Variants in ADGB observed in about 807,000 individuals in gnomAD.
ADGB encodes the protein calpain-7-like protein.
Under a neutral mutation model 210.5 loss-of-function variants are expected in ADGB, and 172 were observed. The observed-to-expected ratio is 0.82, with a 90% confidence interval of 0.72 to 0.93. The LOEUF is 0.93. ADGB is among the 40% of genes least tolerant of loss of function. The probability of loss-of-function intolerance (pLI) is 0.00; values close to 1 mark genes in which losing one functional copy is unlikely to be tolerated. For missense variants in ADGB, 2,025 were observed against 1,964.8 expected, an observed-to-expected ratio of 1.03 and a Z score of -0.58; for synonymous variants, 658 against 662.7, an observed-to-expected ratio of 0.99 and a Z score of 0.11.
intron 13 of ADGB, 147 bp downstream of exon 13, chr6:146,701,217 A>G (rs1776485188): frequency 3.3e-6 from 3 of 914,654 alleles, no homozygotes; most frequent in Admixed American, 7.0e-5. Flanking sequence ...TCTCTTATGT[A>G]TCTATCACCT....
At chr6:146,768,523 T>G (rs1388862500) in intron 28 of ADGB, among the ~76,000 whole-genome samples, 2 of 152,042 alleles carry the variant, frequency 1.3e-5, no homozygotes, top group Non-Finnish European at 2.9e-5. Flanking sequence ...GAAAATTACA[T>G]CTCCATGGAG....
chr6:146,807,477 C>T, intron 35 of ADGB: 1 of 1,551,534 alleles, frequency 6.4e-7, no homozygotes, highest in Non-Finnish European at 8.7e-7. Flanking sequence ...GGAAGCTGAG[C>T]ACCTAAAGCT....
At chr6:146,695,530 T>C (rs1044150140) in intron 12 of ADGB, among the ~76,000 whole-genome samples, 1 of 151,974 alleles carries the variant, frequency 6.6e-6, no homozygotes, top group African/African-American at 2.4e-5. Flanking sequence ...ACCTAAGTTA[T>C]TCAGTATTTA....
intron 12 of ADGB, among the ~76,000 whole-genome samples, chr6:146,699,228 T>C (rs975783957): frequency 6.6e-6 from 1 of 152,086 alleles, no homozygotes; most frequent in African/African-American, 2.4e-5. Context: ...AGATAGGCTG[T>C]CTGCAAGCTG....
intron 5 of ADGB, among the ~76,000 whole-genome samples, chr6:146,663,228 A>G (rs915315800): frequency 1.9e-4 from 28 of 145,274 alleles, no homozygotes; most frequent in African/African-American, 6.8e-4. Context: ...AAGTATATAT[A>G]ACCTTAATAA....
At chr6:146,634,095 G>C (rs1775358021) in intron 1 of ADGB, among the ~76,000 whole-genome samples, 1 of 151,980 alleles carries the variant, frequency 6.6e-6, no homozygotes, top group South Asian at 2.1e-4. Context: ...TCTATGTTTA[G>C]ATGTGTTTGG....
At chr6:146,659,848 C>T (rs142867889) in intron 5 of ADGB, among the ~76,000 whole-genome samples, 68 of 152,252 alleles carry the variant, frequency 4.5e-4, no homozygotes, top group Middle Eastern at 3.4e-3. Context: ...CATTGCTCTC[C>T]GCTTGAAATA....
chr6:146,685,286 T>G, intron 9 of ADGB, among the ~76,000 whole-genome samples: 1 of 144,346 alleles, frequency 6.9e-6, no homozygotes, highest in African/African-American at 2.9e-5. Flanking sequence ...TTCATTTTAC[T>G]TATGTTTTCT....
chr6:146,807,994 T>G (rs1363780264), intron 35 of ADGB, among the ~76,000 whole-genome samples: 1 of 131,082 alleles, frequency 7.6e-6, no homozygotes, highest in African/African-American at 3.6e-5. Flanking sequence ...ATGCTTCAGT[T>G]TTTTTTTTTT....
At chr6:146,725,583 G>A (rs571961228) in intron 18 of ADGB, 1 of 152,410 alleles carries the variant, frequency 6.6e-6, no homozygotes, top group Non-Finnish European at 1.5e-5. Flanking sequence ...ACCAGTCCTT[G>A]GTGCCAAAAA....
At position 146,780,526 on chromosome 6, in the gene ADGB, CAA is replaced by C. The variant is rs759175952; in HGVS notation, c.3863-1491_3863-1490del. ...AAAACAATACCATAAAAAGAATAAC[CAA>C]AAGAGACCTGGAGTGGCTATAGTAA... On this transcript the variant is annotated intron_variant, in intron 29 of 35. Transcript: ENST00000397944. Among the ~76,000 whole-genome samples the C allele has an allele frequency of 2.7e-4, 41 of 151,764 alleles. 1 individual carries two copies. Among genetic ancestry groups the C allele is most frequent in the Admixed American group, 5.9e-4 (9 of 15,244 alleles).
At chr6:146,614,186 TCCCTCC>T (rs1780752297) in intron 1 of ADGB, among the ~76,000 whole-genome samples, 9 of 102,648 alleles carry the variant, frequency 8.8e-5, no homozygotes, top group African/African-American at 3.7e-4. Flanking sequence ...TCTCCCTCCC[TCCCTCC>T]CTCCCTCCCT....
intron 3 of ADGB, among the ~76,000 whole-genome samples, chr6:146,651,531 C>T (rs112145727): frequency 2.1e-3 from 325 of 152,280 alleles, no homozygotes; most frequent in African/African-American, 6.7e-3. Context: ...ACTTGGTAGG[C>T]GAAACATGTA....
chr6:146,802,966 T>G, intron 35 of ADGB: 1 of 1,609,854 alleles, frequency 6.2e-7, no homozygotes, highest in African/African-American at 1.3e-5. Context: ...GACCACCACC[T>G]TTTAATGACT....
intron 12 of ADGB, among the ~76,000 whole-genome samples, chr6:146,700,342 A>G (rs904272076): frequency 1.3e-5 from 2 of 152,202 alleles, no homozygotes; most frequent in Non-Finnish European, 2.9e-5. Flanking sequence ...ATTTTTACAG[A>G]TCACTAACTG....
intron 7 of ADGB, among the ~76,000 whole-genome samples, chr6:146,667,808 T>C (rs1198740668): frequency 6.6e-6 from 1 of 152,002 alleles, no homozygotes; most frequent in Non-Finnish European, 1.5e-5. Flanking sequence ...ATATTACTTC[T>C]CGTTTAAAAA....
intron 19 of ADGB, among the ~76,000 whole-genome samples, chr6:146,726,592 C>G (rs1189873164): frequency 6.6e-6 from 1 of 152,206 alleles, no homozygotes; most frequent in East Asian, 1.9e-4. Context: ...TTATACTCAA[C>G]TTACTTTTTT....
intron 1 of ADGB, among the ~76,000 whole-genome samples, chr6:146,614,228 CCTT>C (rs1179317252): frequency 0.019 from 2,193 of 116,164 alleles, 49 homozygotes; most frequent in African/African-American, 0.069. Flanking sequence ...TCCCTTCCTT[CCTT>C]CCTTCCTTCC....
intron 19 of ADGB, among the ~76,000 whole-genome samples, chr6:146,728,358 G>T (rs1583609724): frequency 6.6e-6 from 1 of 152,110 alleles, no homozygotes; most frequent in African/African-American, 2.4e-5. Flanking sequence ...AATATGAGAT[G>T]AATATTCCTC....
Sources: allele counts gnomAD v4.1 joint callset (sites outside exome capture counted in the v4.1 genomes callset), GRCh38; gene constraint gnomAD v4.1.1; transcripts MANE v1.5; gene names NCBI Gene and HGNC (gene_info 2026-07-23, HGNC 2026-07-21).